PPIP5K2: variants seen among roughly 807,000 people sequenced by gnomAD.
PPIP5K2 encodes the protein inositol hexakisphosphate and diphosphoinositol-pentakisphosphate kinase 2.
A neutral mutation model predicts 154.6 loss-of-function variants in PPIP5K2; 105 were observed. The observed-to-expected ratio is 0.68, with a 90% CI of 0.58 to 0.80. The LOEUF is 0.80. Among genes scored for constraint, PPIP5K2 ranks in the 30% least tolerant of loss-of-function variants. The probability of loss-of-function intolerance (pLI) is 0.00; values close to 1 mark genes in which losing one functional copy is unlikely to be tolerated. For synonymous variants in PPIP5K2, 480 were observed against 490.3 expected (o/e 0.98, Z 0.28); for missense variants, 992 against 1,504.6 (o/e 0.66, Z 5.64).
intron 29 of PPIP5K2, 198 bp from the exon 30 acceptor site, chr5:103,194,702 C>A: frequency 2.0e-6 from 1 of 497,984 alleles, no homozygotes; most frequent in Non-Finnish European, 3.6e-6. Context: ...ACAGTATAAA[C>A]AAACATCTAT....
rs1488820128 is a variant in PPIP5K2 at position 103,210,534 on chromosome 5, A to C, written c.*8900A>C. 6.6e-6 allele frequency: 1 copy of C among 152,176 alleles called. No individual in the cohort carries two copies. Among genetic ancestry groups the C allele is most frequent in the Middle Eastern group, 3.4e-3 (1 of 294 alleles). 9.4% of individuals were successfully genotyped at this position (152,176 alleles called of 1,614,324 possible). The stretch of plus-strand genomic sequence containing the variant: ...GTATTAATCTCAGCTCTACCACTAC[A>C]TGGTAGAGCTATGTAGTGGTAGACT... On this transcript the variant is annotated 3_prime_UTR_variant, in exon 31 of 31. Transcript: ENST00000358359.
intron 5 of PPIP5K2, among the ~76,000 whole-genome samples, chr5:103,140,332 T>A (rs991252242): frequency 6.6e-6 from 1 of 152,032 alleles, no homozygotes; most frequent in Non-Finnish European, 1.5e-5. Context: ...TTAACCCAAA[T>A]AAGACTATCT....
At chr5:103,142,749 C>T (rs961835066) in intron 5 of PPIP5K2, among the ~76,000 whole-genome samples, 1 of 144,928 alleles carries the variant, frequency 6.9e-6, no homozygotes, top group Non-Finnish European at 1.5e-5. Context: ...GCACTCCAGC[C>T]TGGGCGAGTG....
intron 2 of PPIP5K2, 90 bp from the exon 3 acceptor site, chr5:103,133,363 C>A (rs1790956170): frequency 4.1e-6 from 4 of 986,968 alleles, no homozygotes; most frequent in African/African-American, 1.7e-5. Context: ...TAATCACATG[C>A]CTTATCTACT....
chr5:103,174,757 A>G (rs1329893915), intron 21 of PPIP5K2, among the ~76,000 whole-genome samples: 2 of 152,138 alleles, frequency 1.3e-5, no homozygotes, highest in South Asian at 2.1e-4. Flanking sequence ...ATCCAGGTTC[A>G]GAAGGAGAGG....
intron 24 of PPIP5K2, among the ~76,000 whole-genome samples, chr5:103,182,463 G>A (rs782257481): frequency 2.6e-5 from 4 of 151,924 alleles, no homozygotes; most frequent in South Asian, 2.1e-4. Flanking sequence ...TTTTTCCAGC[G>A]TCCATCATCT....
chr5:103,167,345 A>G (rs782011515), intron 18 of PPIP5K2, 25 bp downstream of exon 18: 61 of 1,502,404 alleles, frequency 4.1e-5, no homozygotes, highest in Non-Finnish European at 5.3e-5. Context: ...CTTAGAGCAT[A>G]GAACAAATAA....
intron 26 of PPIP5K2, among the ~76,000 whole-genome samples, chr5:103,185,594 T>C (rs1562492610): frequency 6.6e-6 from 1 of 152,130 alleles, no homozygotes; most frequent in Non-Finnish European, 1.5e-5. Flanking sequence ...TAGAAATTTA[T>C]TTAATCCTTC....
chr5:103,138,258 A>C (rs1235683325), intron 4 of PPIP5K2, 126 bp from the exon 5 acceptor site: 1 of 426,854 alleles, frequency 2.3e-6, no homozygotes, highest in Non-Finnish European at 4.0e-6. Flanking sequence ...TAAAAAATAA[A>C]AAGTGTTGAG....
At chr5:103,128,781 A>C (rs1413466630) in intron 1 of PPIP5K2, among the ~76,000 whole-genome samples, 1 of 152,116 alleles carries the variant, frequency 6.6e-6, no homozygotes, top group Non-Finnish European at 1.5e-5. Flanking sequence ...TTCTGACTCT[A>C]ATCTTTTTTT....
At chr5:103,138,567 AT>A (rs782656158) in intron 5 of PPIP5K2, 98 bp downstream of exon 5, 13 of 679,148 alleles carry the variant, frequency 1.9e-5, no homozygotes, top group South Asian at 1.7e-4. Flanking sequence ...TAAAGAATTC[AT>A]AGTATTCTAT....
intron 14 of PPIP5K2, among the ~76,000 whole-genome samples, chr5:103,157,720 A>AAT (rs1444420780): frequency 1.3e-5 from 2 of 152,020 alleles, no homozygotes; most frequent in Admixed American, 6.6e-5. Flanking sequence ...AAAACAAAAA[A>AAT]ATATATATAT....
chr5:103,121,119 G>A (rs965772341), intron 1 of PPIP5K2, among the ~76,000 whole-genome samples: 2 of 151,896 alleles, frequency 1.3e-5, no homozygotes, highest in Admixed American at 1.3e-4. Context: ...TTGGCTAGTA[G>A]TTGTCTTGCT....
intron 21 of PPIP5K2, 174 bp downstream of exon 21, chr5:103,174,146 A>T (rs782650673): frequency 2.0e-4 from 99 of 506,580 alleles, no homozygotes; most frequent in Admixed American, 6.0e-4. Flanking sequence ...AGGGATAAAG[A>T]TGTTCTCTTC....
rs556224291 is a variant in PPIP5K2 at position 103,182,462 on chromosome 5, C to T, written c.2923-772C>T. ...GTAAAATCTTGAAGACTTTTTCCAG[C>T]GTCCATCATCTCCATGGATATAAGA... is the stretch of plus-strand genomic sequence containing the variant. On this transcript the variant is annotated intron_variant, in intron 24 of 30. Transcript: ENST00000358359. 1.1e-3 allele frequency among the ~76,000 whole-genome samples: 162 copies of T among 152,250 alleles called. 1 individual carries two copies. Among genetic ancestry groups the T allele is most frequent in the Middle Eastern group, 6.8e-3 (2 of 294 alleles).
chr5:103,183,167 C>T, intron 24 of PPIP5K2, 67 bp from the exon 25 acceptor site: 3 of 1,105,816 alleles, frequency 2.7e-6, no homozygotes, highest in Non-Finnish European at 3.4e-6. Flanking sequence ...TCTAACTTTG[C>T]ATGCTCTGCT....
chr5:103,172,852 G>C (rs1371386140), intron 19 of PPIP5K2, among the ~76,000 whole-genome samples: 1 of 151,674 alleles, frequency 6.6e-6, no homozygotes, highest in Non-Finnish European at 1.5e-5. Context: ...TTTTAGGGTT[G>C]TTTTTACATT....
chr5:103,179,472 T>G (rs1799185378), intron 23 of PPIP5K2, among the ~76,000 whole-genome samples: 1 of 152,142 alleles, frequency 6.6e-6, no homozygotes, highest in Non-Finnish European at 1.5e-5. Context: ...GGACTGTGTC[T>G]TATTCATCTG....
At chr5:103,178,373 C>A (rs1799030585) in intron 23 of PPIP5K2, among the ~76,000 whole-genome samples, 1 of 151,856 alleles carries the variant, frequency 6.6e-6, no homozygotes, top group African/African-American at 2.4e-5. Context: ...AGTACTACAT[C>A]TGATACTGCA....
Sources: allele counts gnomAD v4.1 joint callset (sites outside exome capture counted in the v4.1 genomes callset), GRCh38; gene constraint gnomAD v4.1.1; transcripts MANE v1.5; gene names NCBI Gene and HGNC (gene_info 2026-07-23, HGNC 2026-07-21).